JAZF1: variants seen among roughly 807,000 people sequenced by gnomAD.
JAZF1 encodes JAZF zinc finger 1, also known as juxtaposed with another zinc finger protein 1.
Under a neutral mutation model 26.4 loss-of-function variants are expected in JAZF1, and 8 were observed. The observed-to-expected ratio is 0.30, with a 90% CI of 0.18 to 0.55. The LOEUF is 0.55. JAZF1 is among the 20% of genes least tolerant of loss of function. JAZF1 has a pLI of 0.94. For synonymous variants in JAZF1, 126 were observed against 122.3 expected (o/e 1.03, Z -0.20); for missense variants, 199 against 322.0 (o/e 0.62, Z 2.92).
At chr7:28,030,503 T>TTA (rs1783171003) in intron 1 of JAZF1, among the ~76,000 whole-genome samples, 1 of 152,206 alleles carries the variant, frequency 6.6e-6, no homozygotes, top group Non-Finnish European at 1.5e-5. Context: ...ATGTGACTTG[T>TTA]TATGGATAAC....
chr7:28,064,798 CAG>C (rs756327656), intron 1 of JAZF1, among the ~76,000 whole-genome samples: 1 of 152,110 alleles, frequency 6.6e-6, no homozygotes, highest in Admixed American at 6.5e-5. Flanking sequence ...GTGGAATAAA[CAG>C]GGTACAATTT....
At chr7:28,105,468 A>G (rs1488696572) in intron 1 of JAZF1, among the ~76,000 whole-genome samples, 4 of 152,234 alleles carry the variant, frequency 2.6e-5, no homozygotes, top group African/African-American at 4.8e-5. Flanking sequence ...GGGACACTTG[A>G]GCCCAGCAGC....
At chr7:27,875,047 T>C (rs1316685821) in intron 3 of JAZF1, among the ~76,000 whole-genome samples, 4 of 152,154 alleles carry the variant, frequency 2.6e-5, no homozygotes, top group Non-Finnish European at 4.4e-5. Context: ...ACTATTGAAA[T>C]ACCATATATT....
intron 3 of JAZF1, among the ~76,000 whole-genome samples, chr7:27,848,448 C>A (rs974980601): frequency 6.6e-6 from 1 of 152,148 alleles, no homozygotes; most frequent in East Asian, 1.9e-4. Context: ...AAACAAAAAT[C>A]AGTTGGATTA....
intron 1 of JAZF1, among the ~76,000 whole-genome samples, chr7:28,140,135 T>A (rs918877863): frequency 6.7e-6 from 1 of 148,420 alleles, no homozygotes; most frequent in Non-Finnish European, 1.5e-5. Context: ...CAGGCTGGAG[T>A]GCAGTGGCGT....
intron 1 of JAZF1, among the ~76,000 whole-genome samples, chr7:28,108,902 A>T (rs1171097433): frequency 6.6e-6 from 1 of 152,262 alleles, no homozygotes; most frequent in Non-Finnish European, 1.5e-5. Context: ...TTGCAATAAC[A>T]TGAATGAACC....
At chr7:28,119,290 T>G (rs1349498237) in intron 1 of JAZF1, among the ~76,000 whole-genome samples, 3 of 152,124 alleles carry the variant, frequency 2.0e-5, no homozygotes, top group African/African-American at 2.4e-5. Context: ...GATTTGCCCT[T>G]ATATCATATC....
intron 1 of JAZF1, among the ~76,000 whole-genome samples, chr7:28,002,891 T>G (rs1782626893): frequency 6.6e-6 from 1 of 152,038 alleles, no homozygotes; most frequent in South Asian, 2.1e-4. Flanking sequence ...TATGGTAGAT[T>G]TCTTTCAGGC....
chr7:28,098,898 G>T (rs1247986577), intron 1 of JAZF1, among the ~76,000 whole-genome samples: 1 of 152,196 alleles, frequency 6.6e-6, no homozygotes, highest in African/African-American at 2.4e-5. Context: ...AGGTCCGCTA[G>T]TCATGCCCAA....
At chr7:28,149,254 T>C (rs1220093963) in intron 1 of JAZF1, among the ~76,000 whole-genome samples, 1 of 152,220 alleles carries the variant, frequency 6.6e-6, no homozygotes, top group Non-Finnish European at 1.5e-5. Context: ...TCCCCTTTCT[T>C]GCTCTGTCAA....
intron 2 of JAZF1, among the ~76,000 whole-genome samples, chr7:27,932,416 G>C (rs1272673684): frequency 6.6e-6 from 1 of 152,092 alleles, no homozygotes; most frequent in Admixed American, 6.5e-5. Flanking sequence ...TACTTTATGA[G>C]GACTGTTGGT....
intron 1 of JAZF1, among the ~76,000 whole-genome samples, chr7:28,097,139 A>G (rs1297592603): frequency 6.6e-6 from 1 of 152,010 alleles, no homozygotes; most frequent in East Asian, 1.9e-4. Flanking sequence ...TTCCCACCCA[A>G]CCTCTGCCAC....
chr7:27,891,711 C>A (rs1583450530), intron 3 of JAZF1, among the ~76,000 whole-genome samples: 1 of 152,068 alleles, frequency 6.6e-6, no homozygotes, highest in Non-Finnish European at 1.5e-5. Flanking sequence ...TGCCTGTAGT[C>A]CCAGCTACAC....
At chr7:27,845,711 A>AAAAAAAAAT (rs1554328474) in intron 3 of JAZF1, among the ~76,000 whole-genome samples, 2 of 137,700 alleles carry the variant, frequency 1.5e-5, no homozygotes. Flanking sequence ...AAAAAAAAAA[A>AAAAAAAAAT]AAAGAAAAGA....
chr7:28,102,409 A>G (rs773320855), intron 1 of JAZF1, among the ~76,000 whole-genome samples: 4 of 152,356 alleles, frequency 2.6e-5, no homozygotes, highest in South Asian at 2.1e-4. Context: ...AACGATTCCC[A>G]TAAGTATCAC....
At chr7:28,000,242 C>A (rs893448444) in intron 1 of JAZF1, among the ~76,000 whole-genome samples, 5 of 152,036 alleles carry the variant, frequency 3.3e-5, no homozygotes, top group Non-Finnish European at 5.9e-5. Context: ...CCCGACCCCC[C>A]ATCCACACCC....
chr7:28,020,262 G>T (rs1335645884), intron 1 of JAZF1, among the ~76,000 whole-genome samples: 1 of 152,140 alleles, frequency 6.6e-6, no homozygotes, highest in Non-Finnish European at 1.5e-5. Flanking sequence ...ACACCAAAAT[G>T]GGGGAATTCC....
chr7:27,964,138 C>T (rs1394793225), intron 2 of JAZF1, among the ~76,000 whole-genome samples: 1 of 152,046 alleles, frequency 6.6e-6, no homozygotes. Flanking sequence ...CCAAAACACA[C>T]AAAAATTGTT....
intron 2 of JAZF1, among the ~76,000 whole-genome samples, chr7:27,985,875 C>T (rs1785689392): frequency 6.6e-6 from 1 of 152,266 alleles, no homozygotes; most frequent in Middle Eastern, 3.4e-3. Flanking sequence ...TCAATAGAAG[C>T]AGAAAAGGCC....
Sources: allele counts gnomAD v4.1 joint callset (sites outside exome capture counted in the v4.1 genomes callset), GRCh38; gene constraint gnomAD v4.1.1; transcripts MANE v1.5; gene names NCBI Gene and HGNC (gene_info 2026-07-23, HGNC 2026-07-21).